The following GRIN2A variants were observed in gnomAD, a reference collection of about 807,000 sequenced individuals.
The protein encoded by GRIN2A is glutamate receptor ionotropic, NMDA 2A.
In GRIN2A, 22 loss-of-function variants were observed where a neutral mutation model predicts 113.4. The observed-to-expected ratio is 0.19, with a 90% CI of 0.14 to 0.28. The LOEUF (loss-of-function observed/expected upper bound fraction) is 0.28, where lower values mean the gene tolerates loss of function less well. GRIN2A is among the 10% of genes least tolerant of loss of function. GRIN2A has a pLI of 1.00. For synonymous variants in GRIN2A, 827 were observed against 738.4 expected, an observed-to-expected ratio of 1.12 and a Z score of -1.94; for missense variants, 1,502 against 1,887.0, an observed-to-expected ratio of 0.80 and a Z score of 3.78.
rs142929766 is a variant in GRIN2A, at chr16:9,773,154, C to T, written c.2357-4065G>A. ...TGGTTTTGATATTTTTCGTGGCCTG[C>T]AGCACGTAGTGAGCATTGAATCCAT... is the stretch of plus-strand genomic sequence containing the variant. On this transcript the variant is annotated intron_variant, in intron 11 of 12. Transcript: ENST00000330684. Among the ~76,000 whole-genome samples, 1,449 of 152,292 alleles carry T rather than the reference C, an allele frequency of 9.5e-3. 20 individuals carry two copies. The highest frequency in any genetic ancestry group is 0.013 in the Non-Finnish European group (905 of 68,034).
intron 2 of GRIN2A, among the ~76,000 whole-genome samples, chr16:10,060,933 C>T (rs918596729): frequency 4.6e-5 from 7 of 152,218 alleles, no homozygotes; most frequent in African/African-American, 1.7e-4. Flanking sequence ...AGAGCAGAAA[C>T]TGCTGGTTTC....
At chr16:10,096,502 G>C (rs570604758) in intron 2 of GRIN2A, among the ~76,000 whole-genome samples, 9 of 148,396 alleles carry the variant, frequency 6.1e-5, no homozygotes, top group Non-Finnish European at 1.3e-4. Context: ...GTAACTAATA[G>C]TGTTCTTCTT....
chr16:10,133,403 T>C (rs1169466596), intron 2 of GRIN2A, among the ~76,000 whole-genome samples: 4 of 151,798 alleles, frequency 2.6e-5, no homozygotes, highest in African/African-American at 9.7e-5. Flanking sequence ...AGGTCAGGAG[T>C]TCGAGACCAG....
intron 2 of GRIN2A, among the ~76,000 whole-genome samples, chr16:10,096,482 T>C (rs577984278): frequency 6.6e-6 from 1 of 151,522 alleles, no homozygotes; most frequent in Non-Finnish European, 1.5e-5. Flanking sequence ...TGGTCTATAT[T>C]GATTCTCAGG....
At chr16:10,132,684 C>G (rs1234678637) in intron 2 of GRIN2A, among the ~76,000 whole-genome samples, 3 of 152,200 alleles carry the variant, frequency 2.0e-5, no homozygotes, top group Non-Finnish European at 2.9e-5. Flanking sequence ...TCGGTTTCCA[C>G]AACCACAAAA....
At chr16:10,045,659 C>T (rs1332052741) in intron 2 of GRIN2A, among the ~76,000 whole-genome samples, 1 of 152,222 alleles carries the variant, frequency 6.6e-6, no homozygotes, top group Non-Finnish European at 1.5e-5. Flanking sequence ...ACAGAGGCAT[C>T]CAGAAACGTT....
chr16:9,996,972 G>A (rs949957119), intron 2 of GRIN2A, among the ~76,000 whole-genome samples: 3 of 151,962 alleles, frequency 2.0e-5, no homozygotes, highest in Admixed American at 6.6e-5. Flanking sequence ...ACAAAAAAAC[G>A]CCAACCTTTA....
At chr16:9,798,207 C>T (rs1903117816) in intron 11 of GRIN2A, 70 bp downstream of exon 11, 17 of 1,262,512 alleles carry the variant, frequency 1.3e-5, no homozygotes, top group Non-Finnish European at 1.8e-5. Context: ...CACTGGGAAG[C>T]CCAGGAGCAA....
rs1900452530 is a variant in GRIN2A, at chr16:9,758,580, G to C, written c.*4569C>G. 1 of 209,434 alleles carries C rather than the reference G, an allele frequency of 4.8e-6. No homozygotes were observed. Among genetic ancestry groups the C allele is most frequent in the South Asian group, 1.9e-4 (1 of 5,322 alleles). 13.0% of individuals were successfully genotyped at this position (209,434 alleles called of 1,614,324 possible). On this transcript the variant is annotated 3_prime_UTR_variant, in exon 13 of 13. Coordinates refer to ENST00000330684, the MANE Select transcript of GRIN2A (RefSeq NM_001134407.3). ...CTTTACAATATGTACAATTTTATTT[G>C]GATAATACACTTACGTGTGAATTGT... is the stretch of plus-strand genomic sequence containing the variant.
chr16:9,997,736 TG>T (rs1238145556), intron 2 of GRIN2A, among the ~76,000 whole-genome samples: 1 of 152,180 alleles, frequency 6.6e-6, no homozygotes, highest in Non-Finnish European at 1.5e-5. Context: ...GGGAGGTAAG[TG>T]AATCATGGAG....
intron 3 of GRIN2A, among the ~76,000 whole-genome samples, chr16:9,899,353 C>T (rs1452153323): frequency 1.4e-5 from 2 of 143,812 alleles, no homozygotes; most frequent in African/African-American, 5.3e-5. Flanking sequence ...GACAGGAGAA[C>T]CACTTGAATC....
intron 2 of GRIN2A, among the ~76,000 whole-genome samples, chr16:10,156,608 C>T (rs7195140): frequency 0.016 from 2,405 of 152,258 alleles, 69 homozygotes; most frequent in African/African-American, 0.053. Flanking sequence ...GCCATTCTGT[C>T]TGTCTTCTGG....
chr16:10,144,190 C>A (rs931578871), intron 2 of GRIN2A, among the ~76,000 whole-genome samples: 2 of 151,964 alleles, frequency 1.3e-5, no homozygotes, highest in African/African-American at 4.8e-5. Context: ...TTGCACCAAC[C>A]GATAATAAAA....
intron 10 of GRIN2A, among the ~76,000 whole-genome samples, chr16:9,821,171 C>G (rs141776681): frequency 6.6e-6 from 1 of 152,224 alleles, no homozygotes; most frequent in East Asian, 1.9e-4. Flanking sequence ...GAGAATGCAC[C>G]TACAGTCATG....
chr16:9,779,027 C>G (rs1291574698), intron 11 of GRIN2A, among the ~76,000 whole-genome samples: 1 of 152,214 alleles, frequency 6.6e-6, no homozygotes. Flanking sequence ...CTGCATCACA[C>G]AAGGCAAGAA....
intron 2 of GRIN2A, among the ~76,000 whole-genome samples, chr16:10,107,337 G>A (rs1277900876): frequency 6.6e-6 from 1 of 152,094 alleles, no homozygotes; most frequent in Non-Finnish European, 1.5e-5. Flanking sequence ...AAACCACAAG[G>A]CATAAACAGC....
At chr16:9,826,757 G>T (rs770855500) in intron 9 of GRIN2A, among the ~76,000 whole-genome samples, 94 of 152,296 alleles carry the variant, frequency 6.2e-4, no homozygotes, top group Non-Finnish European at 1.2e-3. Flanking sequence ...ACTGAGCTTT[G>T]TCTCTTGAGG....
intron 4 of GRIN2A, among the ~76,000 whole-genome samples, chr16:9,878,052 A>G (rs533883915): frequency 6.6e-6 from 1 of 152,060 alleles, no homozygotes; most frequent in Admixed American, 6.6e-5. Flanking sequence ...GAGATCATTT[A>G]AATAATCTAT....
chr16:10,039,004 C>G (rs1434916006), intron 2 of GRIN2A, among the ~76,000 whole-genome samples: 1 of 152,128 alleles, frequency 6.6e-6, no homozygotes, highest in Non-Finnish European at 1.5e-5. Context: ...ATCCCCCAAA[C>G]AGCAGCAAAT....
Sources: allele counts gnomAD v4.1 joint callset (sites outside exome capture counted in the v4.1 genomes callset), GRCh38; gene constraint gnomAD v4.1.1; transcripts MANE v1.5; gene names NCBI Gene and HGNC (gene_info 2026-07-23, HGNC 2026-07-21).